The following LAMA3 variants were observed in gnomAD, a reference collection of about 807,000 sequenced individuals.
LAMA3 encodes the protein laminin subunit alpha-3.
Under a neutral mutation model 402.0 loss-of-function variants are expected in LAMA3, and 281 were observed. The observed-to-expected ratio is 0.70, with a 90% CI of 0.63 to 0.77. LAMA3 has a LOEUF of 0.77. Among genes scored for constraint, LAMA3 ranks in the 30% least tolerant of loss-of-function variants. The pLI is 0.00. For synonymous variants in LAMA3, 1,431 were observed against 1,558.4 expected, an observed-to-expected ratio of 0.92 and a Z score of 1.93; for missense variants, 3,840 against 4,215.5, an observed-to-expected ratio of 0.91 and a Z score of 2.47.
chr18:23,807,787 A>G (rs908852551), intron 12 of LAMA3, among the ~76,000 whole-genome samples: 6 of 152,300 alleles, frequency 3.9e-5, no homozygotes, highest in Middle Eastern at 3.4e-3. Context: ...ACTCTCATCT[A>G]AAAAATACCT....
At chr18:23,768,719 A>AAAG (rs1429389443) in intron 8 of LAMA3, among the ~76,000 whole-genome samples, 1 of 152,244 alleles carries the variant, frequency 6.6e-6, no homozygotes, top group Non-Finnish European at 1.5e-5. Context: ...TTACAATAAC[A>AAAG]AAGACATGGA....
In LAMA3 at chr18:23,903,011, A is replaced by G; in HGVS notation, c.6204A>G (p.Arg2068=). Residue 2068 remains arginine, a splice_region_variant and synonymous_variant, in exon 49 of 75, where the codon AGA becomes AGG. Coordinates refer to ENST00000313654, the MANE Select transcript of LAMA3 (RefSeq NM_198129.4). Reference sequence around the variant, plus strand: ...CAATTTTTTTTTATTTTCTCCAGAGACAAGTGAAAGAAATAAATTCCCTGC... The same window carrying G: ...CAATTTTTTTTTATTTTCTCCAGAGGCAAGTGAAAGAAATAAATTCCCTGC... The part of the protein sequence containing the change: ...ENERALGAIQ[R]QVKEINSLQS... The G allele has an allele frequency of 6.3e-7, 1 of 1,585,664 alleles. No homozygotes were observed. The highest frequency in any genetic ancestry group is 8.7e-7 in the Non-Finnish European group (1 of 1,154,344).
chr18:23,753,818 TAC>T lies in LAMA3; in HGVS notation c.947+9_947+10del. 1 of 1,592,854 alleles carries T rather than the reference TAC, an allele frequency of 6.3e-7. No individual in the cohort carries two copies. Among genetic ancestry groups the T allele is most frequent in the Non-Finnish European group, 8.6e-7 (1 of 1,160,642 alleles). ...ATAAACAATCCTGAAAAACTGTAAG[TAC>T]ACTGTACAGATTTTTTTCAGCCTTA... On this transcript the variant is annotated splice_region_variant and intron_variant, in intron 6 of 74. Coordinates refer to ENST00000313654, the MANE Select transcript of LAMA3 (RefSeq NM_198129.4).
In LAMA3 at chr18:23,933,879, A is replaced by AT; in HGVS notation, c.8807dup (p.Met2936IlefsTer4). The AT allele has an allele frequency of 6.2e-7, 1 of 1,614,104 alleles. No homozygotes were observed. Among genetic ancestry groups the AT allele is most frequent in the Non-Finnish European group, 8.5e-7 (1 of 1,179,992 alleles). On this transcript the variant is annotated frameshift_variant, in exon 67 of 75. Coordinates refer to ENST00000313654, the MANE Select transcript of LAMA3 (RefSeq NM_198129.4). LOFTEE classifies it high-confidence loss of function. Reference sequence around the variant, plus strand: ...CAGTTTAAACAAACCACCTTTTCTAATGTTGCTTAAAGGTTCTACCAGGTT... The same window carrying AT: ...CAGTTTAAACAAACCACCTTTTCTAATTGTTGCTTAAAGGTTCTACCAGGTT...
At chr18:23,907,416 C>T in intron 52 of LAMA3, 134 bp from the exon 53 acceptor site, 1 of 753,082 alleles carries the variant, frequency 1.3e-6, no homozygotes, top group East Asian at 2.5e-5. Flanking sequence ...ATGCAGTGGG[C>T]ATCTCTGAGG....
At chr18:23,884,047 GGT>G (rs60711151) in intron 40 of LAMA3, among the ~76,000 whole-genome samples, 11,660 of 138,380 alleles carry the variant, frequency 0.084, 508 homozygotes, top group Middle Eastern at 0.11. Context: ...TGGTCTCTTT[GGT>G]GTGTGTGTGT....
At chr18:23,724,820 AG>A (rs1194053220) in intron 2 of LAMA3, among the ~76,000 whole-genome samples, 3 of 152,178 alleles carry the variant, frequency 2.0e-5, no homozygotes, top group African/African-American at 7.2e-5. Flanking sequence ...GTGGCGTCTC[AG>A]GGGAGTCACT....
chr18:23,810,859 G>T (rs1008966389), intron 13 of LAMA3, among the ~76,000 whole-genome samples: 1 of 152,150 alleles, frequency 6.6e-6, no homozygotes, highest in Non-Finnish European at 1.5e-5. Context: ...CTGTCCCGAG[G>T]CATCATGCCT....
intron 1 of LAMA3, among the ~76,000 whole-genome samples, chr18:23,706,854 G>A (rs556303180): frequency 2.2e-4 from 34 of 152,246 alleles, no homozygotes; most frequent in South Asian, 1.4e-3. Context: ...CAAGGTGGGC[G>A]GATCACCTGA....
intron 44 of LAMA3, among the ~76,000 whole-genome samples, chr18:23,896,982 T>C (rs1258114): frequency 0.84 from 127,016 of 151,982 alleles, 55,445 homozygotes; most frequent in Non-Finnish European, 0.97. Flanking sequence ...GAAGCAACAG[T>C]CAAGAGATGA....
At chr18:23,779,408 G>C (rs1297349920) in intron 11 of LAMA3, among the ~76,000 whole-genome samples, 2 of 152,164 alleles carry the variant, frequency 1.3e-5, no homozygotes, top group Non-Finnish European at 2.9e-5. Flanking sequence ...ACAGACTGTG[G>C]ATATCATCGG....
At chr18:23,889,340 T>C (rs1306760254) in intron 41 of LAMA3, among the ~76,000 whole-genome samples, 2 of 152,238 alleles carry the variant, frequency 1.3e-5, no homozygotes, top group Admixed American at 1.3e-4. Flanking sequence ...GGCAGAAGGA[T>C]TGCTTGAGCC....
chr18:23,814,440 C>T lies in LAMA3; in HGVS notation c.1826C>T (p.Thr609Ile), dbSNP rs754826880. 6.2e-7 allele frequency: 1 copy of T among 1,613,930 alleles called. No individual in the cohort carries two copies. The highest frequency in any genetic ancestry group is 8.5e-7 in the Non-Finnish European group (1 of 1,179,828). The change falls in exon 15 of 75, where the codon ACT (threonine) becomes ATT (isoleucine). Residue 609 changes from threonine to isoleucine, a missense_variant. Physicochemically the swap from Thr to Ile is moderately conservative, Grantham distance 89 (BLOSUM62 -1). Around this residue, in one of 3 missense-constraint regions of LAMA3, gnomAD observed 2,109 missense variants for 2,376.0 expected, o/e 0.89. Coordinates refer to ENST00000313654, the MANE Select transcript of LAMA3 (RefSeq NM_198129.4). ...CQCKLHVEGP[T>I]CSRCKLLYWN... Reference sequence around the variant, plus strand: ...TGCAAGCTTCATGTTGAAGGTCCTACTTGTAGCCGCTGCAAACTGTTATAT... The same window carrying T: ...TGCAAGCTTCATGTTGAAGGTCCTATTTGTAGCCGCTGCAAACTGTTATAT...
intron 12 of LAMA3, among the ~76,000 whole-genome samples, chr18:23,787,179 G>A (rs752619931): frequency 2.6e-5 from 4 of 152,176 alleles, no homozygotes; most frequent in Non-Finnish European, 5.9e-5. Flanking sequence ...CTACTTGGGA[G>A]GCTGAGGCAA....
chr18:23,796,071 C>T, intron 12 of LAMA3: 5 of 447,892 alleles, frequency 1.1e-5, no homozygotes, highest in South Asian at 8.0e-5. Flanking sequence ...AGGCCCTCAG[C>T]AGAAACTGAA....
chr18:23,713,808 T>C (rs2061040560), intron 1 of LAMA3, 112 bp from the exon 2 acceptor site: 6 of 913,534 alleles, frequency 6.6e-6, no homozygotes, highest in Non-Finnish European at 1.0e-5. Context: ...CTAAGCTGTA[T>C]AAGATAGTCT....
At chr18:23,740,518 G>A (rs1326462756) in intron 2 of LAMA3, among the ~76,000 whole-genome samples, 1 of 151,920 alleles carries the variant, frequency 6.6e-6, no homozygotes, top group African/African-American at 2.4e-5. Flanking sequence ...TCAGGCTCCT[G>A]TGGTTCTTTT....
At chr18:23,881,816 T>C (rs2064903863) in intron 39 of LAMA3, 120 bp from the exon 40 acceptor site, 9 of 711,364 alleles carry the variant, frequency 1.3e-5, no homozygotes, top group Admixed American at 4.0e-5. Context: ...TTAGAGGAGC[T>C]GATATCACTG....
Position 23,817,914 on chromosome 18 carries a change from G to T in LAMA3, c.2147+1427G>T, listed in dbSNP as rs530735261. 3.9e-5 allele frequency among the ~76,000 whole-genome samples: 6 copies of T among 152,216 alleles called. No individual in the cohort carries two copies. The South Asian group carries it at 1.0e-3, about 26-fold the overall frequency. On this transcript the variant is annotated intron_variant, in intron 18 of 74. Coordinates refer to ENST00000313654, the MANE Select transcript of LAMA3 (RefSeq NM_198129.4). ...CGCGCCTGTAATCCCAGTACTTTGG[G>T]GGGCCGAGGTGGGCGGATCACCTGA...
Sources: gnomAD v4.1 joint callset for allele counts (sites outside exome capture counted in the v4.1 genomes callset) on GRCh38, gnomAD v4.1.1 for gene constraint, gnomAD v4.1.1 regional missense constraint, MANE v1.5 for transcripts, NCBI Gene and HGNC (gene_info 2026-07-23, HGNC 2026-07-21) for gene names.